The following FAM227B variants were observed in gnomAD, a reference collection of about 807,000 sequenced individuals.
FAM227B encodes the protein family with sequence similarity 227 member B.
A neutral mutation model predicts 73.8 loss-of-function variants in FAM227B; 88 were observed. The ratio of observed to expected loss-of-function variants is 1.19; its 90% CI spans 1.00 to 1.42. The LOEUF (loss-of-function observed/expected upper bound fraction) is 1.42. FAM227B is among the 40% of genes most tolerant of loss of function. The pLI is 0.00. For missense variants in FAM227B, 632 were observed against 590.9 expected, an observed-to-expected ratio of 1.07 and a Z score of -0.72; for synonymous variants, 210 against 190.5, an observed-to-expected ratio of 1.10 and a Z score of -0.84.
At chr15:49,464,714 A>T (rs1331058727) in intron 11 of FAM227B, among the ~76,000 whole-genome samples, 1 of 152,218 alleles carries the variant, frequency 6.6e-6, no homozygotes, top group South Asian at 2.1e-4. Context: ...ATGACCAATA[A>T]AGTAATGGAC....
At chr15:49,348,179 A>G (rs1252681189) in intron 13 of FAM227B, among the ~76,000 whole-genome samples, 1 of 152,176 alleles carries the variant, frequency 6.6e-6, no homozygotes, top group East Asian at 1.9e-4. Flanking sequence ...CATTTTTATA[A>G]TTTATGTCCT....
chr15:49,344,897 A>G (rs991649247), intron 13 of FAM227B, among the ~76,000 whole-genome samples: 3 of 152,222 alleles, frequency 2.0e-5, no homozygotes, highest in Admixed American at 2.0e-4. Flanking sequence ...ATCTTTTCTG[A>G]GTAAAAGCTG....
intron 1 of FAM227B, among the ~76,000 whole-genome samples, chr15:49,619,699 T>C (rs2078546035): frequency 3.9e-5 from 6 of 152,244 alleles, no homozygotes. Context: ...ATTTGCTTTT[T>C]AATCTGTGCA....
At position 49,371,959 on chromosome 15, in the gene FAM227B, TATAA is replaced by T. The variant is rs1372773902; in HGVS notation, c.1013-564_1013-561del. On this transcript the variant is annotated intron_variant, in intron 11 of 15. Transcript: ENST00000299338. ...ATAAATAAATGAAATAAAATTCACT[TATAA>T]ATAAATGAAATAAAATTCACTTATA... is the stretch of plus-strand genomic sequence containing the variant. Among the ~76,000 whole-genome samples, 520 of 109,048 alleles carry T rather than the reference TATAA, an allele frequency of 4.8e-3. 11 individuals carry two copies. Among genetic ancestry groups the T allele is most frequent in the African/African-American group, 0.016 (387 of 24,496 alleles). The allele number at this position is 109,048 out of a possible 152,430, so 71.5% of individuals were successfully genotyped here. A position where few individuals can be genotyped will look rare whatever the true frequency, so the allele number is the denominator to read the frequency against.
chr15:49,574,950 ATTGAAAAATTAATTAT>A (rs2075355187), intron 8 of FAM227B, 45 bp downstream of exon 8: 1 of 1,008,276 alleles, frequency 9.9e-7, no homozygotes. Context: ...ACTTATCTCT[ATTGAAAAATTAATTAT>A]GCCAAAAATC....
chr15:49,366,490 C>T, intron 13 of FAM227B: 1 of 1,192,702 alleles, frequency 8.4e-7, no homozygotes, highest in Non-Finnish European at 1.3e-6. Context: ...AAGTCAGATT[C>T]ATCAAACTAA....
intron 11 of FAM227B, among the ~76,000 whole-genome samples, chr15:49,384,720 A>T (rs1345267420): frequency 6.6e-6 from 1 of 151,992 alleles, no homozygotes; most frequent in East Asian, 1.9e-4. Context: ...TTCTGCTGTG[A>T]CTAGTAATAG....
chr15:49,593,544 G>C (rs776331609), intron 3 of FAM227B, among the ~76,000 whole-genome samples: 1 of 151,922 alleles, frequency 6.6e-6, no homozygotes, highest in African/African-American at 2.4e-5. Flanking sequence ...CCTATCACCC[G>C]AGCAGTATAC....
At chr15:49,475,002 TAG>T (rs1455618024) in intron 11 of FAM227B, among the ~76,000 whole-genome samples, 3,344 of 76,876 alleles carry the variant, frequency 0.043, 145 homozygotes, top group African/African-American at 0.17. Flanking sequence ...CTATAAAAGA[TAG>T]AATAAACTAT....
At chr15:49,389,491 G>A (rs186685072) in intron 11 of FAM227B, among the ~76,000 whole-genome samples, 45 of 151,916 alleles carry the variant, frequency 3.0e-4, no homozygotes, top group Non-Finnish European at 6.0e-4. Context: ...GAGCCGGGAG[G>A]GTGAGAGGAG....
intron 11 of FAM227B, among the ~76,000 whole-genome samples, chr15:49,448,893 C>T (rs1023222930): frequency 2.0e-4 from 30 of 151,984 alleles, no homozygotes; most frequent in African/African-American, 7.2e-4. Context: ...ACCCTAACAA[C>T]TGGATACTTT....
intron 11 of FAM227B, among the ~76,000 whole-genome samples, chr15:49,479,606 T>G (rs1375701530): frequency 2.6e-5 from 2 of 77,126 alleles, no homozygotes; most frequent in Admixed American, 1.6e-4. Flanking sequence ...TCTGTTTTTT[T>G]TTTTTTTTTT....
At chr15:49,601,951 T>C (rs114640899) in intron 3 of FAM227B, among the ~76,000 whole-genome samples, 2,608 of 152,334 alleles carry the variant, frequency 0.017, 35 homozygotes, top group Middle Eastern at 0.037. Flanking sequence ...CAGTTCCATC[T>C]ATGTTGTGTG....
chr15:49,603,205 T>C (rs2077314198), intron 3 of FAM227B, among the ~76,000 whole-genome samples: 1 of 152,184 alleles, frequency 6.6e-6, no homozygotes, highest in South Asian at 2.1e-4. Context: ...TTGATAGGGA[T>C]TGCATTACAT....
At chr15:49,483,679 G>A (rs536607569) in intron 11 of FAM227B, among the ~76,000 whole-genome samples, 23 of 152,088 alleles carry the variant, frequency 1.5e-4, no homozygotes, top group Non-Finnish European at 2.4e-4. Flanking sequence ...TCACAATCAT[G>A]GGCATTGAAA....
intron 13 of FAM227B, among the ~76,000 whole-genome samples, chr15:49,352,596 A>G (rs1384232413): frequency 1.3e-5 from 2 of 152,132 alleles, no homozygotes; most frequent in Admixed American, 6.5e-5. Flanking sequence ...ATTCTGTGTT[A>G]TGCATAATTT....
chr15:49,617,554 C>T (rs1379977002), intron 1 of FAM227B, among the ~76,000 whole-genome samples: 2 of 152,088 alleles, frequency 1.3e-5, no homozygotes, highest in African/African-American at 4.8e-5. Context: ...CAGAAAATGA[C>T]TTTCAATCTG....
intron 10 of FAM227B, among the ~76,000 whole-genome samples, chr15:49,517,007 A>C (rs922631787): frequency 1.3e-5 from 2 of 152,148 alleles, no homozygotes; most frequent in Non-Finnish European, 1.5e-5. Context: ...ACAAAGAAAC[A>C]GATTCTCCCA....
chr15:49,354,817 C>T lies in FAM227B; in HGVS notation c.1271+12631G>A, dbSNP rs374712850. ...CAGACAAACAAAAAGACAGCAGTAA[C>T]CTCTGCAGACTTAAATGTCCCTGTC... On this transcript the variant is annotated intron_variant, in intron 13 of 15. Transcript: ENST00000299338. Among the ~76,000 whole-genome samples, 289 of 152,062 alleles carry T rather than the reference C, an allele frequency of 1.9e-3. 3 individuals are homozygous for T. The highest frequency in any genetic ancestry group is 0.014 in the Middle Eastern group (4 of 294).
Sources: gnomAD v4.1 joint callset for allele counts (sites outside exome capture counted in the v4.1 genomes callset) on GRCh38, gnomAD v4.1.1 for gene constraint, MANE v1.5 for transcripts, NCBI Gene and HGNC (gene_info 2026-07-23, HGNC 2026-07-21) for gene names.